The following LTBP1 variants were observed in gnomAD, a reference collection of about 807,000 sequenced individuals.
LTBP1 encodes the protein latent transforming growth factor beta binding protein 1.
In LTBP1, 129 loss-of-function variants were observed where a neutral mutation model predicts 207.6. That is an observed-to-expected ratio of 0.62 (90% CI 0.54 to 0.72). The LOEUF (loss-of-function observed/expected upper bound fraction) is 0.72, where lower values mean the gene tolerates loss of function less well. Among genes scored for constraint, LTBP1 ranks in the 30% least tolerant of loss-of-function variants. The pLI is 0.00. For missense variants in LTBP1, 2,281 were observed against 2,217.2 expected (o/e 1.03, Z -0.58); for synonymous variants, 963 against 833.7 (o/e 1.16, Z -2.67).
intron 32 of LTBP1, among the ~76,000 whole-genome samples, chr2:33,394,354 A>T (rs2095341524): frequency 6.6e-6 from 1 of 152,074 alleles, no homozygotes; most frequent in Non-Finnish European, 1.5e-5. Flanking sequence ...GGTGTTTTAG[A>T]CATGAAGTCC....
intron 6 of LTBP1, 47 bp from the exon 7 acceptor site, chr2:33,188,530 C>A: frequency 6.8e-7 from 1 of 1,473,844 alleles, no homozygotes; most frequent in Non-Finnish European, 9.3e-7. Flanking sequence ...TTTGATTTGC[C>A]TGTTAGTTAT....
intron 5 of LTBP1, among the ~76,000 whole-genome samples, chr2:33,149,812 C>T (rs914190715): frequency 2.6e-5 from 4 of 152,136 alleles, no homozygotes; most frequent in East Asian, 1.9e-4. Context: ...TGTGGATGCT[C>T]ATTTGCAATG....
intron 2 of LTBP1, among the ~76,000 whole-genome samples, chr2:32,978,502 C>T (rs1198532219): frequency 3.3e-5 from 5 of 152,086 alleles, no homozygotes; most frequent in South Asian, 2.1e-4. Flanking sequence ...TGATGTATCA[C>T]ATTGATTTGC....
chr2:32,971,040 G>C (rs72789893), intron 2 of LTBP1, among the ~76,000 whole-genome samples: 15,490 of 136,762 alleles, frequency 0.11, 1,009 homozygotes, highest in Non-Finnish European at 0.16. Flanking sequence ...GTGTGTGTGT[G>C]TGTCTGTCTG....
rs117068758 is a variant in LTBP1 at position 33,343,377 on chromosome 2, C to T, written c.3856+414C>T. On this transcript the variant is annotated intron_variant, in intron 25 of 33. Coordinates refer to ENST00000404816, the MANE Select transcript of LTBP1 (RefSeq NM_206943.4). ...AATAAGCCGTGATCATGCCACTGCA[C>T]GGCAGCTTGGGCAACAGAGAAAGAC... Among the ~76,000 whole-genome samples, 224 of 140,336 alleles carry T rather than the reference C, an allele frequency of 1.6e-3. 2 individuals carry two copies. In the East Asian group the frequency reaches 0.021, roughly 13 times the overall value. 92.1% of individuals were successfully genotyped at this position (140,336 alleles called of 152,430 possible). A position where few individuals can be genotyped will look rare whatever the true frequency, so the allele number is the denominator to read the frequency against.
intron 25 of LTBP1, among the ~76,000 whole-genome samples, chr2:33,346,188 T>G (rs1222696020): frequency 6.6e-6 from 1 of 152,252 alleles, no homozygotes; most frequent in East Asian, 1.9e-4. Context: ...CATGAATGAT[T>G]AATGTAGCCT....
chr2:33,191,328 T>G (rs980258204), intron 7 of LTBP1, among the ~76,000 whole-genome samples: 1 of 152,240 alleles, frequency 6.6e-6, no homozygotes, highest in African/African-American at 2.4e-5. Context: ...ATTAAAACTC[T>G]GGAATACTTT....
intron 6 of LTBP1, among the ~76,000 whole-genome samples, chr2:33,187,583 C>T (rs1300095210): frequency 1.3e-5 from 2 of 152,176 alleles, no homozygotes; most frequent in South Asian, 2.1e-4. Flanking sequence ...AATTCTATGA[C>T]GAATTCATCC....
intron 3 of LTBP1, among the ~76,000 whole-genome samples, chr2:33,091,744 G>A (rs1032263090): frequency 6.6e-6 from 1 of 152,218 alleles, no homozygotes; most frequent in Non-Finnish European, 1.5e-5. Context: ...TGTTCTCAGA[G>A]CATCTGTCCT....
chr2:33,282,951 C>T lies in LTBP1; in HGVS notation c.3112+2793C>T, dbSNP rs534008091. On this transcript the variant is annotated intron_variant, in intron 19 of 33. Coordinates refer to ENST00000404816, the MANE Select transcript of LTBP1 (RefSeq NM_206943.4). Reference sequence around the variant, plus strand: ...GGTGGCACGCGCCTATAATCCCAGCCACCCAGTAGGCTGAGGCAGGAGAAT... The same window carrying T: ...GGTGGCACGCGCCTATAATCCCAGCTACCCAGTAGGCTGAGGCAGGAGAAT... Among the ~76,000 whole-genome samples the T allele has an allele frequency of 4.6e-5, 7 of 151,434 alleles. No homozygotes were observed. The East Asian group carries it at 1.4e-3, about 30-fold the overall frequency.
intron 31 of LTBP1, among the ~76,000 whole-genome samples, chr2:33,379,989 A>C (rs2095193807): frequency 6.6e-6 from 1 of 152,350 alleles, no homozygotes; most frequent in East Asian, 1.9e-4. Flanking sequence ...TTTTCTTTAT[A>C]ATTTAATAGC....
intron 24 of LTBP1, among the ~76,000 whole-genome samples, chr2:33,340,804 T>C (rs1453033417): frequency 6.6e-6 from 1 of 152,222 alleles, no homozygotes; most frequent in Admixed American, 6.5e-5. Flanking sequence ...ATGCTCACAG[T>C]AATTGTAGGA....
At chr2:33,101,106 A>T (rs911254369) in intron 3 of LTBP1, among the ~76,000 whole-genome samples, 5 of 152,178 alleles carry the variant, frequency 3.3e-5, no homozygotes, top group Admixed American at 6.5e-5. Context: ...AAGAGCTGCA[A>T]AACTGATTTT....
chr2:33,397,524 T>TTTTGG (rs2095369842), intron 33 of LTBP1, among the ~76,000 whole-genome samples: 1 of 148,852 alleles, frequency 6.7e-6, no homozygotes, highest in African/African-American at 2.5e-5. Context: ...TTTTTTTTTT[T>TTTTGG]GAGATGGAGT....
Position 33,217,590 on chromosome 2 carries a change from C to T in LTBP1, c.1740C>T (p.Asp580=). Residue 580 remains aspartate (D), a synonymous_variant, in exon 8 of 34, where the codon GAC becomes GAT. Transcript: ENST00000404816. ...TCCCTGGCCTTTCAAAGCAAGAGGACTGCTGTGGAACTGTGGGTACCTCCT... is the reference window on the plus strand; with the variant it reads ...TCCCTGGCCTTTCAAAGCAAGAGGATTGCTGTGGAACTGTGGGTACCTCCT... ...KALPGLSKQE[D]CCGTVGTSWG... 1 of 1,613,964 alleles carries T rather than the reference C, an allele frequency of 6.2e-7. No homozygotes were observed. Among genetic ancestry groups the T allele is most frequent in the Non-Finnish European group, 8.5e-7 (1 of 1,179,888 alleles).
At chr2:33,315,027 G>T (rs2094246124) in intron 23 of LTBP1, 117 bp from the exon 24 acceptor site, 1 of 780,060 alleles carries the variant, frequency 1.3e-6, no homozygotes, top group Non-Finnish European at 2.0e-6. Context: ...TGGTATAGTT[G>T]TTCCACTAAA....
intron 3 of LTBP1, among the ~76,000 whole-genome samples, chr2:33,048,838 C>G (rs564754004): frequency 5.3e-5 from 8 of 152,092 alleles, no homozygotes; most frequent in African/African-American, 1.9e-4. Context: ...CTGATAATCT[C>G]TAATACCACA....
chr2:33,223,189 A>T (rs191478413), intron 9 of LTBP1, among the ~76,000 whole-genome samples: 1 of 152,310 alleles, frequency 6.6e-6, no homozygotes, highest in East Asian at 1.9e-4. Flanking sequence ...TCTCAAGTAG[A>T]TTGTCTATCA....
intron 29 of LTBP1, 91 bp from the exon 30 acceptor site, chr2:33,364,125 G>A: frequency 7.8e-7 from 1 of 1,282,072 alleles, no homozygotes; most frequent in Non-Finnish European, 1.1e-6. Flanking sequence ...CTGGAATCTG[G>A]ACTAAATATA....
Sources: gnomAD v4.1 joint callset for allele counts (sites outside exome capture counted in the v4.1 genomes callset) on GRCh38, gnomAD v4.1.1 for gene constraint, MANE v1.5 for transcripts, NCBI Gene and HGNC (gene_info 2026-07-23, HGNC 2026-07-21) for gene names.